KCNH7: variants seen among roughly 807,000 people sequenced by gnomAD.
KCNH7 encodes potassium voltage-gated channel subfamily H member 7, also known as voltage-gated inwardly rectifying potassium channel KCNH7.
Under a neutral mutation model 120.8 loss-of-function variants are expected in KCNH7, and 49 were observed. The observed-to-expected ratio is 0.41, with a 90% CI of 0.32 to 0.51. The LOEUF is 0.51. Among genes scored for constraint, KCNH7 ranks in the 20% least tolerant of loss-of-function variants. The pLI, the probability that KCNH7 is intolerant of heterozygous loss-of-function variation, is 0.38. For missense variants in KCNH7, 1,097 were observed against 1,446.6 expected (o/e 0.76, Z 3.92); for synonymous variants, 547 against 516.1 (o/e 1.06, Z -0.81).
chr2:162,491,276 A>AC (rs1690295424), intron 6 of KCNH7, among the ~76,000 whole-genome samples: 1 of 152,194 alleles, frequency 6.6e-6, no homozygotes. Context: ...CCCACCCTGC[A>AC]CTTAAACTGT....
chr2:162,416,835 T>C (rs1173635836), intron 9 of KCNH7, among the ~76,000 whole-genome samples: 1 of 152,148 alleles, frequency 6.6e-6, no homozygotes, highest in Non-Finnish European at 1.5e-5. Context: ...GTGGCTCACC[T>C]GGATAATAGG....
intron 7 of KCNH7, 45 bp downstream of exon 7, chr2:162,445,973 A>G: frequency 7.0e-7 from 1 of 1,429,158 alleles, no homozygotes; most frequent in South Asian, 1.3e-5. Context: ...ATTCACTTTT[A>G]TAATTGCAAT....
chr2:162,780,720 A>C (rs1022951461), intron 2 of KCNH7, among the ~76,000 whole-genome samples: 1 of 152,182 alleles, frequency 6.6e-6, no homozygotes, highest in Non-Finnish European at 1.5e-5. Flanking sequence ...AATGTGTTAG[A>C]GTTCCAAACA....
At chr2:162,706,651 G>GT (rs1209992349) in intron 2 of KCNH7, among the ~76,000 whole-genome samples, 1 of 152,132 alleles carries the variant, frequency 6.6e-6, no homozygotes, top group East Asian at 1.9e-4. Context: ...TCTGTAACAT[G>GT]TTTTTTATTT....
intron 3 of KCNH7, among the ~76,000 whole-genome samples, chr2:162,533,751 T>G (rs1459875339): frequency 1.3e-5 from 2 of 151,712 alleles, no homozygotes; most frequent in African/African-American, 2.4e-5. Flanking sequence ...TACACTTTCT[T>G]AAATCCAAGA....
rs567479662 is a variant in KCNH7 at position 162,781,473 on chromosome 2, C to T, written c.307+55064G>A. On this transcript the variant is annotated intron_variant, in intron 2 of 15. Coordinates refer to ENST00000332142, the MANE Select transcript of KCNH7 (RefSeq NM_033272.4). ...TTATTGGCTTTCAACTTTATTTATG[C>T]ATATTCTGATAATCTAAGAGAATGA... Among the ~76,000 whole-genome samples the T allele has an allele frequency of 2.9e-4, 44 of 151,460 alleles. 1 individual carries two copies. Among genetic ancestry groups the T allele is most frequent in the Admixed American group, 6.6e-5 (1 of 15,194 alleles).
At chr2:162,658,845 G>T (rs1465970661) in intron 2 of KCNH7, among the ~76,000 whole-genome samples, 1 of 152,124 alleles carries the variant, frequency 6.6e-6, no homozygotes, top group African/African-American at 2.4e-5. Context: ...TACTATAATT[G>T]CTTATTAGTT....
intron 2 of KCNH7, among the ~76,000 whole-genome samples, chr2:162,572,828 A>G (rs181957496): frequency 1.7e-4 from 26 of 151,174 alleles, no homozygotes; most frequent in Admixed American, 3.3e-4. Context: ...ATTCTCACTC[A>G]TAGGTGGGAA....
chr2:162,776,937 T>G (rs1574374959), intron 2 of KCNH7, among the ~76,000 whole-genome samples: 1 of 152,064 alleles, frequency 6.6e-6, no homozygotes, highest in African/African-American at 2.4e-5. Flanking sequence ...ATATAAGCCC[T>G]CTAACAACTT....
chr2:162,655,648 C>G (rs1451642416), intron 2 of KCNH7, among the ~76,000 whole-genome samples: 3 of 151,780 alleles, frequency 2.0e-5, no homozygotes, highest in Non-Finnish European at 2.9e-5. Flanking sequence ...AAAAAATTAG[C>G]TGGGCGTGGT....
At chr2:162,666,664 A>G (rs988113167) in intron 2 of KCNH7, among the ~76,000 whole-genome samples, 1 of 152,050 alleles carries the variant, frequency 6.6e-6, no homozygotes, top group Admixed American at 6.5e-5. Flanking sequence ...TTCCTCCTTA[A>G]AAAACAACTC....
intron 2 of KCNH7, among the ~76,000 whole-genome samples, chr2:162,703,546 A>G (rs1686587963): frequency 6.6e-6 from 1 of 152,174 alleles, no homozygotes; most frequent in South Asian, 2.1e-4. Context: ...TATTTCATAA[A>G]TGTTTGCATT....
At chr2:162,624,779 C>T (rs11885289) in intron 2 of KCNH7, among the ~76,000 whole-genome samples, 5,428 of 151,518 alleles carry the variant, frequency 0.036, 290 homozygotes, top group African/African-American at 0.12. Flanking sequence ...AAGCTGTCTC[C>T]TAACCTCTAA....
chr2:162,811,105 T>C (rs913592289), intron 2 of KCNH7, among the ~76,000 whole-genome samples: 1 of 152,182 alleles, frequency 6.6e-6, no homozygotes, highest in Non-Finnish European at 1.5e-5. Flanking sequence ...ACATTATAGA[T>C]GCTGGTCTTA....
chr2:162,782,073 G>C (rs1301080579), intron 2 of KCNH7, among the ~76,000 whole-genome samples: 1 of 152,156 alleles, frequency 6.6e-6, no homozygotes, highest in Non-Finnish European at 1.5e-5. Context: ...CTTATAAATA[G>C]ATCAAATGAT....
At chr2:162,520,141 C>G (rs867550176) in intron 3 of KCNH7, among the ~76,000 whole-genome samples, 5 of 149,972 alleles carry the variant, frequency 3.3e-5, no homozygotes. Flanking sequence ...ATAATCTGAC[C>G]CTCCAAGCCC....
chr2:162,433,307 G>C (rs1373389287), intron 8 of KCNH7, among the ~76,000 whole-genome samples: 1 of 151,976 alleles, frequency 6.6e-6, no homozygotes, highest in African/African-American at 2.4e-5. Context: ...GTGAAACAGA[G>C]CCTGAATAGT....
intron 8 of KCNH7, among the ~76,000 whole-genome samples, chr2:162,426,898 C>A (rs1219731985): frequency 6.6e-6 from 1 of 152,022 alleles, no homozygotes; most frequent in Non-Finnish European, 1.5e-5. Flanking sequence ...TAGACAACCA[C>A]CGAGCTCCTT....
At chr2:162,738,225 C>T (rs78642801) in intron 2 of KCNH7, among the ~76,000 whole-genome samples, 1 of 151,854 alleles carries the variant, frequency 6.6e-6, no homozygotes, top group East Asian at 1.9e-4. Flanking sequence ...TGTGTGTGTG[C>T]ATATATATAT....
Sources: gnomAD v4.1 joint callset for allele counts (sites outside exome capture counted in the v4.1 genomes callset) on GRCh38, gnomAD v4.1.1 for gene constraint, MANE v1.5 for transcripts, NCBI Gene and HGNC (gene_info 2026-07-23, HGNC 2026-07-21) for gene names.